Variants in CHODL observed in about 807,000 individuals in gnomAD.
CHODL encodes the protein transmembrane protein MT75.
Under a neutral mutation model 34.5 loss-of-function variants are expected in CHODL, and 29 were observed. The ratio of observed to expected loss-of-function variants is 0.84; its 90% CI spans 0.63 to 1.15. CHODL has a LOEUF of 1.15. Ranked by LOEUF, CHODL falls within the 50% of genes most tolerant of loss-of-function variation. The probability of loss-of-function intolerance (pLI) is 0.00; values close to 1 mark genes in which losing one functional copy is unlikely to be tolerated. For synonymous variants in CHODL, 125 were observed against 116.1 expected, an observed-to-expected ratio of 1.08 and a Z score of -0.49; for missense variants, 332 against 332.5, an observed-to-expected ratio of 1.00 and a Z score of 0.01.
intron 2 of CHODL, among the ~76,000 whole-genome samples, chr21:18,192,856 C>A (rs2073526974): frequency 6.6e-6 from 1 of 151,790 alleles, no homozygotes; most frequent in African/African-American, 2.4e-5. Flanking sequence ...TCCTCATGAG[C>A]CTTTAAAATT....
rs369662125 is a variant in CHODL, at chr21:18,109,065, A to G, written c.-45+81094A>G. Among the ~76,000 whole-genome samples the G allele has an allele frequency of 1.1e-3, 173 of 152,094 alleles. 5 individuals are homozygous for G. The highest frequency in any genetic ancestry group is 3.8e-3 in the African/African-American group (157 of 41,466). ...CCTTTTTGTAAGGAAGGATAAACGT[A>G]TTTTCAGCATACAGCTTTTGCATTA... is the stretch of plus-strand genomic sequence containing the variant. On this transcript the variant is annotated intron_variant, in intron 2 of 6. Transcript: ENST00000400127.
chr21:18,037,364 C>T (rs1418841540), intron 2 of CHODL, among the ~76,000 whole-genome samples: 1 of 151,810 alleles, frequency 6.6e-6, no homozygotes, highest in Non-Finnish European at 1.5e-5. Flanking sequence ...GAGGAACTCT[C>T]AAAAGTCTTC....
chr21:18,073,856 G>A (rs1307718816), intron 2 of CHODL, among the ~76,000 whole-genome samples: 1 of 151,822 alleles, frequency 6.6e-6, no homozygotes, highest in African/African-American at 2.4e-5. Flanking sequence ...GTTATTTTCA[G>A]ACTATATGTA....
At chr21:17,943,534 G>GTAATCT (rs2063382385) in intron 1 of CHODL, among the ~76,000 whole-genome samples, 1 of 152,214 alleles carries the variant, frequency 6.6e-6, no homozygotes, top group Non-Finnish European at 1.5e-5. Context: ...TTTCAGACCA[G>GTAATCT]GATGGTGAAG....
intron 2 of CHODL, among the ~76,000 whole-genome samples, chr21:18,191,941 T>A (rs2073515411): frequency 6.6e-6 from 1 of 152,122 alleles, no homozygotes; most frequent in African/African-American, 2.4e-5. Context: ...TTTTGTTGAG[T>A]GTTTAAAAAA....
rs139063367 is a variant in CHODL, at chr21:18,161,710, G to A, written c.-44-94799G>A. Among the ~76,000 whole-genome samples the A allele has an allele frequency of 2.2e-4, 34 of 151,988 alleles. 1 individual carries two copies. The highest frequency in any genetic ancestry group is 4.3e-4 in the African/African-American group (18 of 41,430). On this transcript the variant is annotated intron_variant, in intron 2 of 6. Transcript: ENST00000400127. ...GATTTTTGTCATTAACTTTTTCGGG[G>A]AATTTTATTCTTCTAATCCTCCCTA...
rs562274493 is a variant in CHODL, at chr21:18,234,553, C to T, written c.-44-21956C>T. ...AAGAAATGGTTCTTTGTAACATTTA[C>T]GCAATATCTGGGGTAAAAGAGGATA... On this transcript the variant is annotated intron_variant, in intron 2 of 6. Transcript: ENST00000400127. Among the ~76,000 whole-genome samples the T allele has an allele frequency of 5.9e-5, 9 of 152,086 alleles. No individual in the cohort carries two copies. The East Asian group carries it at 1.4e-3, about 23-fold the overall frequency.
intron 2 of CHODL, among the ~76,000 whole-genome samples, chr21:18,144,520 G>A (rs1480767350): frequency 6.6e-6 from 1 of 152,124 alleles, no homozygotes; most frequent in East Asian, 1.9e-4. Flanking sequence ...TTCATGCAAA[G>A]CAATTTCAGT....
chr21:17,930,664 C>G (rs566270087), intron 1 of CHODL, among the ~76,000 whole-genome samples: 1 of 152,300 alleles, frequency 6.6e-6, no homozygotes, highest in African/African-American at 2.4e-5. Context: ...GTCCAGAGAG[C>G]CATTTAGGAA....
At chr21:18,068,521 A>C (rs1022494659) in intron 2 of CHODL, among the ~76,000 whole-genome samples, 1 of 152,098 alleles carries the variant, frequency 6.6e-6, no homozygotes, top group African/African-American at 2.4e-5. Flanking sequence ...TTAAATCTCT[A>C]AAATTCTTCT....
At chr21:18,147,807 G>A (rs1256775420) in intron 2 of CHODL, among the ~76,000 whole-genome samples, 1 of 152,148 alleles carries the variant, frequency 6.6e-6, no homozygotes, top group Non-Finnish European at 1.5e-5. Context: ...TCATTGTTTT[G>A]AAATCCAGTT....
chr21:17,923,555 G>A (rs1036849934), intron 1 of CHODL, among the ~76,000 whole-genome samples: 2 of 149,640 alleles, frequency 1.3e-5, no homozygotes, highest in African/African-American at 2.5e-5. Flanking sequence ...TCCGCCTCCT[G>A]GGTTCAAGCA....
At chr21:18,191,382 A>G (rs1343435908) in intron 2 of CHODL, among the ~76,000 whole-genome samples, 2 of 152,184 alleles carry the variant, frequency 1.3e-5, no homozygotes, top group Non-Finnish European at 2.9e-5. Flanking sequence ...TACTCAGCTA[A>G]CACACTTTTC....
At chr21:18,108,728 A>C (rs1001188224) in intron 2 of CHODL, among the ~76,000 whole-genome samples, 1 of 152,144 alleles carries the variant, frequency 6.6e-6, no homozygotes. Context: ...TAGATAATAG[A>C]AAAAGAATTA....
Position 18,223,436 on chromosome 21 carries a change from C to T in CHODL, c.-44-33073C>T, listed in dbSNP as rs183239870. Among the ~76,000 whole-genome samples, 3 of 152,234 alleles carry T rather than the reference C, an allele frequency of 2.0e-5. No individual in the cohort carries two copies. The East Asian group carries it at 5.8e-4, about 29-fold the overall frequency. ...CAGAGGCCTCCTAGGAGAAATGGTC[C>T]ATGAAATTCGAGACTTACGATTTAC... On this transcript the variant is annotated intron_variant, in intron 2 of 6. Transcript: ENST00000400127.
chr21:18,038,333 ATAAAT>A (rs945674879), intron 2 of CHODL, among the ~76,000 whole-genome samples: 13 of 151,730 alleles, frequency 8.6e-5, no homozygotes, highest in African/African-American at 3.1e-4. Context: ...AAAGTAGACA[ATAAAT>A]TAACCTCAGG....
intron 2 of CHODL, among the ~76,000 whole-genome samples, chr21:18,068,350 C>T (rs2064756396): frequency 6.6e-6 from 1 of 152,164 alleles, no homozygotes; most frequent in South Asian, 2.1e-4. Context: ...GCACCCGCCA[C>T]TACGCCCTGC....
At chr21:18,025,331 A>G (rs2064164429) in intron 1 of CHODL, among the ~76,000 whole-genome samples, 1 of 152,220 alleles carries the variant, frequency 6.6e-6, no homozygotes, top group South Asian at 2.1e-4. Context: ...ATATGCATAC[A>G]TTGTCATATT....
chr21:18,204,425 A>T (rs904430377), intron 2 of CHODL, among the ~76,000 whole-genome samples: 2 of 152,134 alleles, frequency 1.3e-5, no homozygotes, highest in African/African-American at 2.4e-5. Flanking sequence ...TTGAAATGGA[A>T]CAGAAACCCT....
Sources: gnomAD v4.1 joint callset for allele counts (sites outside exome capture counted in the v4.1 genomes callset) on GRCh38, gnomAD v4.1.1 for gene constraint, MANE v1.5 for transcripts, NCBI Gene and HGNC (gene_info 2026-07-23, HGNC 2026-07-21) for gene names.